ADCY8: variants seen among roughly 807,000 people sequenced by gnomAD.
ADCY8 encodes the protein adenylate cyclase 8.
A neutral mutation model predicts 119.7 loss-of-function variants in ADCY8; 51 were observed. That is an observed-to-expected ratio of 0.43 (90% CI 0.34 to 0.54). The LOEUF is 0.54. Ranked by LOEUF, ADCY8 falls within the 20% of genes least tolerant of loss-of-function variation. The pLI, the probability that ADCY8 is intolerant of heterozygous loss-of-function variation, is 0.03. For missense variants in ADCY8, 1,383 were observed against 1,598.8 expected (o/e 0.87, Z 2.30); for synonymous variants, 665 against 651.0 (o/e 1.02, Z -0.33).
chr8:130,889,916 G>T (rs143258151), intron 7 of ADCY8, among the ~76,000 whole-genome samples: 2 of 152,196 alleles, frequency 1.3e-5, no homozygotes, highest in African/African-American at 4.8e-5. Context: ...ACCTCCTCCA[G>T]TAAGCCTACT....
At chr8:131,031,097 T>C (rs1270811061) in intron 1 of ADCY8, among the ~76,000 whole-genome samples, 1 of 152,284 alleles carries the variant, frequency 6.6e-6, no homozygotes, top group East Asian at 1.9e-4. Context: ...AATATATATG[T>C]ATATATCTCC....
intron 9 of ADCY8, among the ~76,000 whole-genome samples, chr8:130,858,516 C>T (rs1817821662): frequency 6.6e-6 from 1 of 152,104 alleles, no homozygotes; most frequent in South Asian, 2.1e-4. Flanking sequence ...TACTAGATCC[C>T]ATTAACATAA....
intron 1 of ADCY8, among the ~76,000 whole-genome samples, chr8:131,024,976 T>G (rs924269773): frequency 6.6e-6 from 1 of 152,196 alleles, no homozygotes; most frequent in Non-Finnish European, 1.5e-5. Flanking sequence ...TTATAACTCA[T>G]GGAATAAAAT....
Position 130,800,526 on chromosome 8 carries a change from G to C in ADCY8, c.2960C>G (p.Ser987Cys), listed in dbSNP as rs745767630. The C allele has an allele frequency of 8.1e-6, 13 of 1,613,966 alleles. No homozygotes were observed. Among genetic ancestry groups the C allele is most frequent in the Non-Finnish European group, 1.1e-5 (13 of 1,180,022 alleles). ...GTAAAAGTCCGCAAATCCTGGGATG[G>C]AGGCAAACATCACCCCAACAGCATC... is the stretch of plus-strand genomic sequence containing the variant. ...SYDAVGVMFA[S>C]IPGFADFYSQ... The change falls in exon 15 of 18, where the codon TCC (serine) becomes TGC (cysteine). Residue 987 changes from serine to cysteine, a missense_variant. Physicochemically the swap from Ser to Cys is moderately radical, Grantham distance 112 (BLOSUM62 -1). This residue lies in a region of ADCY8 where 928 missense variants were observed against 1,163.5 expected (regional missense o/e 0.80). Transcript: ENST00000286355.
intron 7 of ADCY8, among the ~76,000 whole-genome samples, chr8:130,901,964 C>G (rs117524992): frequency 0.022 from 3,308 of 152,232 alleles, 76 homozygotes; most frequent in South Asian, 0.08. Context: ...ATATTTCAAG[C>G]ATTCCTATAC....
chr8:130,788,753 T>A (rs767892623), intron 15 of ADCY8, among the ~76,000 whole-genome samples: 45 of 152,260 alleles, frequency 3.0e-4, no homozygotes, highest in Non-Finnish European at 5.3e-4. Context: ...ATAATATGTA[T>A]AATTATATTT....
chr8:130,812,885 A>G (rs1462210468), intron 14 of ADCY8, among the ~76,000 whole-genome samples: 3 of 152,134 alleles, frequency 2.0e-5, no homozygotes, highest in Non-Finnish European at 4.4e-5. Flanking sequence ...GTATATATAC[A>G]TGCATATATT....
chr8:130,794,128 G>C (rs1815505745), intron 15 of ADCY8, among the ~76,000 whole-genome samples: 1 of 152,200 alleles, frequency 6.6e-6, no homozygotes. Context: ...AAGCTGGGAA[G>C]AGGCAAGGCA....
chr8:130,917,210 C>T (rs929429351), intron 5 of ADCY8, among the ~76,000 whole-genome samples: 3 of 152,330 alleles, frequency 2.0e-5, no homozygotes, highest in South Asian at 2.1e-4. Flanking sequence ...ATTTCCACCA[C>T]AGGCTACATA....
At chr8:130,897,952 A>G (rs1819462280) in intron 7 of ADCY8, among the ~76,000 whole-genome samples, 1 of 146,760 alleles carries the variant, frequency 6.8e-6, no homozygotes, top group Non-Finnish European at 1.5e-5. Context: ...CATAACACAC[A>G]CCACACCACA....
At chr8:130,992,778 C>T (rs984021054) in intron 1 of ADCY8, among the ~76,000 whole-genome samples, 13 of 151,722 alleles carry the variant, frequency 8.6e-5, no homozygotes, top group African/African-American at 2.7e-4. Context: ...CATTGAAGGG[C>T]CTAACATACA....
At chr8:130,793,847 G>T (rs1393391495) in intron 15 of ADCY8, among the ~76,000 whole-genome samples, 1 of 152,168 alleles carries the variant, frequency 6.6e-6, no homozygotes, top group Non-Finnish European at 1.5e-5. Flanking sequence ...TCTAAAAAGG[G>T]TGTGAATACT....
chr8:130,907,242 G>A (rs552364196), intron 6 of ADCY8, among the ~76,000 whole-genome samples: 6 of 152,094 alleles, frequency 3.9e-5, no homozygotes, highest in Non-Finnish European at 8.8e-5. Flanking sequence ...CCAGAAACTC[G>A]GCAGTGGGGC....
At chr8:130,849,288 T>C (rs1401405726) in intron 10 of ADCY8, among the ~76,000 whole-genome samples, 2 of 152,192 alleles carry the variant, frequency 1.3e-5, no homozygotes, top group African/African-American at 4.8e-5. Context: ...AGCAGGTAGG[T>C]ACTGGTACTT....
At chr8:130,792,834 A>G (rs1815464628) in intron 15 of ADCY8, among the ~76,000 whole-genome samples, 1 of 152,190 alleles carries the variant, frequency 6.6e-6, no homozygotes, top group Non-Finnish European at 1.5e-5. Flanking sequence ...CCTCGTAGCC[A>G]TCCCCATCAG....
chr8:130,860,455 T>C (rs948531195), intron 9 of ADCY8, among the ~76,000 whole-genome samples: 10 of 152,158 alleles, frequency 6.6e-5, no homozygotes, highest in African/African-American at 2.4e-4. Context: ...ATTTTGGTGG[T>C]GTGTCTTAAA....
chr8:130,912,371 A>G (rs889659800), intron 5 of ADCY8, among the ~76,000 whole-genome samples: 1 of 152,150 alleles, frequency 6.6e-6, no homozygotes, highest in Non-Finnish European at 1.5e-5. Context: ...TGGGTGTCCA[A>G]TACTTTCTAT....
intron 2 of ADCY8, among the ~76,000 whole-genome samples, chr8:130,970,668 C>T (rs1821897058): frequency 6.6e-6 from 1 of 152,110 alleles, no homozygotes; most frequent in Admixed American, 6.5e-5. Flanking sequence ...GAACTGCTGC[C>T]CTAGATGATA....
At position 130,867,256 on chromosome 8, in the gene ADCY8, G is replaced by C. The variant is rs898048022; in HGVS notation, c.2210+590C>G. Among the ~76,000 whole-genome samples the C allele has an allele frequency of 3.5e-4, 54 of 152,184 alleles. 1 individual carries two copies. Among genetic ancestry groups the C allele is most frequent in the Non-Finnish European group, 7.4e-5 (5 of 68,018 alleles). ...GTTAAGAACCCAGACTCTAGAGCTA[G>C]TCTTCCTGGGTTGAATCTAGGCAGT... is the stretch of plus-strand genomic sequence containing the variant. On this transcript the variant is annotated intron_variant, in intron 9 of 17. Transcript: ENST00000286355.
Sources: gnomAD v4.1 joint callset for allele counts (sites outside exome capture counted in the v4.1 genomes callset) on GRCh38, gnomAD v4.1.1 for gene constraint, gnomAD v4.1.1 regional missense constraint, MANE v1.5 for transcripts, NCBI Gene and HGNC (gene_info 2026-07-23, HGNC 2026-07-21) for gene names.